Variants in ACOT7 observed in about 807,000 individuals in gnomAD.
ACOT7 encodes the protein cytosolic acyl coenzyme A thioester hydrolase.
A neutral mutation model predicts 40.2 loss-of-function variants in ACOT7; 12 were observed. The ratio of observed to expected loss-of-function variants is 0.30; its 90% confidence interval spans 0.19 to 0.48. ACOT7 has a LOEUF of 0.48. ACOT7 is among the 20% of genes least tolerant of loss of function. ACOT7 has a pLI of 0.99. For synonymous variants in ACOT7, 228 were observed against 219.5 expected (o/e 1.04, Z -0.34); for missense variants, 395 against 530.8 (o/e 0.74, Z 2.51).
At chr1:6,357,870 CTTTT>C in intron 1 of ACOT7, among the ~76,000 whole-genome samples, 2 of 143,666 alleles carry the variant, frequency 1.4e-5, no homozygotes, top group South Asian at 4.5e-4. Flanking sequence ...TGCTTCTCCT[CTTTT>C]TTTTTTTTTT....
intron 1 of ACOT7, among the ~76,000 whole-genome samples, chr1:6,379,499 C>G (rs897175658): frequency 5.9e-5 from 9 of 151,700 alleles, no homozygotes; most frequent in African/African-American, 2.2e-4. Context: ...ACTCCGTCAC[C>G]CAGGCCCCAG....
intron 3 of ACOT7, 84 bp from the exon 4 acceptor site, chr1:6,333,652 C>T (rs1194717124): frequency 2.2e-6 from 3 of 1,357,172 alleles, no homozygotes; most frequent in East Asian, 2.3e-5. Context: ...GGTGCTGCTC[C>T]AGCGCCCGGT....
At position 6,348,598 on chromosome 1, in the gene ACOT7, C is replaced by T. The variant is rs181194849; in HGVS notation, c.261+1151G>A. 4.6e-5 allele frequency among the ~76,000 whole-genome samples: 7 copies of T among 152,270 alleles called. No individual in the cohort carries two copies. The Middle Eastern group carries it at 0.01, about 222-fold the overall frequency. ...GCCTGAGAGAGCCACTCCTACCAAGCGAGGACACACAGGAAGTGATGTGAC... is the reference window on the plus strand; with the variant it reads ...GCCTGAGAGAGCCACTCCTACCAAGTGAGGACACACAGGAAGTGATGTGAC... On this transcript the variant is annotated intron_variant, in intron 2 of 8. Coordinates refer to ENST00000361521, the MANE Select transcript of ACOT7 (RefSeq NM_007274.4).
intron 2 of ACOT7, among the ~76,000 whole-genome samples, chr1:6,343,683 G>A (rs1481873274): frequency 6.6e-6 from 1 of 152,284 alleles, no homozygotes; most frequent in Non-Finnish European, 1.5e-5. Flanking sequence ...CTCTGGGCAG[G>A]GCAATGCCCA....
At position 6,336,205 on chromosome 1, in the gene ACOT7, G is replaced by A. The variant is rs1300970650; in HGVS notation, c.419-2637C>T. Reference sequence around the variant, plus strand: ...AAAAATTAGCCAGGCATGGTGACACGTGCCTGTAATCCCAGCTACTCGGGA... The same window carrying A: ...AAAAATTAGCCAGGCATGGTGACACATGCCTGTAATCCCAGCTACTCGGGA... On this transcript the variant is annotated intron_variant, in intron 3 of 8. Transcript: ENST00000361521. 5.3e-5 allele frequency among the ~76,000 whole-genome samples: 8 copies of A among 151,806 alleles called. No individual in the cohort carries two copies. In the South Asian group the frequency reaches 6.2e-4, roughly 12 times the overall value.
chr1:6,298,084 C>A (rs1639862912), intron 6 of ACOT7, among the ~76,000 whole-genome samples: 1 of 152,322 alleles, frequency 6.6e-6, no homozygotes. Context: ...TCCTTTCAAA[C>A]ACCTGGGGCA....
At chr1:6,371,061 A>G (rs1571349323) in intron 1 of ACOT7, among the ~76,000 whole-genome samples, 1 of 151,990 alleles carries the variant, frequency 6.6e-6, no homozygotes, top group East Asian at 1.9e-4. Flanking sequence ...CACTTGCCTC[A>G]GCCTCCCAAA....
At chr1:6,341,611 G>A (rs1230007276) in intron 2 of ACOT7, among the ~76,000 whole-genome samples, 1 of 152,166 alleles carries the variant, frequency 6.6e-6, no homozygotes, top group Non-Finnish European at 1.5e-5. Flanking sequence ...GTGTGGTGGT[G>A]GGTGCCTGTA....
intron 1 of ACOT7, among the ~76,000 whole-genome samples, chr1:6,369,585 T>C (rs572983048): frequency 6.7e-6 from 1 of 150,278 alleles, no homozygotes; most frequent in South Asian, 2.1e-4. Context: ...TTCTTTTTTT[T>C]CTTTTTTTTT....
intron 6 of ACOT7, among the ~76,000 whole-genome samples, chr1:6,309,273 C>A (rs939172771): frequency 1.3e-5 from 2 of 152,190 alleles, no homozygotes; most frequent in African/African-American, 4.8e-5. Context: ...GCGGAACAAG[C>A]TCTGATGGCC....
chr1:6,318,460 G>C (rs768730732), intron 6 of ACOT7, 32 bp downstream of exon 6: 47 of 1,604,832 alleles, frequency 2.9e-5, no homozygotes, highest in Non-Finnish European at 3.6e-5. Context: ...CCAAGGGACA[G>C]GAATGGAGTG....
intron 1 of ACOT7, among the ~76,000 whole-genome samples, chr1:6,351,731 A>G (rs1015016834): frequency 6.6e-6 from 1 of 152,346 alleles, no homozygotes; most frequent in East Asian, 1.9e-4. Context: ...TGCAGGCCTC[A>G]CTTTGCCTGT....
At position 6,293,185 on chromosome 1, in the gene ACOT7, A is replaced by G. The variant is rs1490753446; in HGVS notation, c.829+1679T>C. 2.0e-5 allele frequency among the ~76,000 whole-genome samples: 3 copies of G among 152,194 alleles called. No individual in the cohort carries two copies. In the East Asian group the frequency reaches 5.8e-4, roughly 29 times the overall value. On this transcript the variant is annotated intron_variant, in intron 7 of 8. Transcript: ENST00000361521. Reference sequence around the variant, plus strand: ...ATTACAGGCGTGAGCCACAGCGCTCAGCCAGAAAGTCTATTTCTTTCCTGA... The same window carrying G: ...ATTACAGGCGTGAGCCACAGCGCTCGGCCAGAAAGTCTATTTCTTTCCTGA...
At chr1:6,347,390 T>C (rs920033132) in intron 2 of ACOT7, among the ~76,000 whole-genome samples, 1 of 152,182 alleles carries the variant, frequency 6.6e-6, no homozygotes, top group Non-Finnish European at 1.5e-5. Context: ...AGACCTACCA[T>C]CTGCCTCCCC....
In ACOT7 at chr1:6,298,069, G is replaced by A. The variant is rs938908342; in HGVS notation, c.713-3089C>T. Among the ~76,000 whole-genome samples, 21 of 152,138 alleles carry A rather than the reference G, an allele frequency of 1.4e-4. 1 individual carries two copies. The highest frequency in any genetic ancestry group is 1.1e-3 in the Admixed American group (17 of 15,272). On this transcript the variant is annotated intron_variant, in intron 6 of 8. Transcript: ENST00000361521. ...CCAGGTTCACGCTCGCTGCACTTTC[G>A]CCTGTCCTTTCAAACACCTGGGGCA... is the stretch of plus-strand genomic sequence containing the variant.
chr1:6,371,237 A>C (rs1273571854), intron 1 of ACOT7, among the ~76,000 whole-genome samples: 4 of 152,250 alleles, frequency 2.6e-5, no homozygotes, highest in Non-Finnish European at 5.9e-5. Flanking sequence ...CCATTTATAG[A>C]ACACAGGCAG....
At chr1:6,366,925 G>A (rs566144663) in intron 1 of ACOT7, among the ~76,000 whole-genome samples, 23 of 151,812 alleles carry the variant, frequency 1.5e-4, no homozygotes, top group South Asian at 2.1e-4. Flanking sequence ...CAGGCCGGGC[G>A]CGGTGGCTCA....
Position 6,281,092 on chromosome 1 carries a change from G to A in ACOT7, c.1014+10C>T. 1 of 1,612,234 alleles carries A rather than the reference G, an allele frequency of 6.2e-7. No individual in the cohort carries two copies. ...AGGGAGGGGCCGCCGTTCCAAGGATGCGCACTCACCACCAGCTGGGGCACA... is the reference window on the plus strand; with the variant it reads ...AGGGAGGGGCCGCCGTTCCAAGGATACGCACTCACCACCAGCTGGGGCACA... On this transcript the variant is annotated intron_variant, in intron 8 of 8. Transcript: ENST00000361521.
chr1:6,390,133 T>A (rs1314267403), intron 1 of ACOT7, among the ~76,000 whole-genome samples: 1 of 152,280 alleles, frequency 6.6e-6, no homozygotes, highest in South Asian at 2.1e-4. Flanking sequence ...CACAGCCTTC[T>A]CTTCACAGGC....
Sources: gnomAD v4.1 joint callset for allele counts (sites outside exome capture counted in the v4.1 genomes callset) on GRCh38, gnomAD v4.1.1 for gene constraint, MANE v1.5 for transcripts, NCBI Gene and HGNC (gene_info 2026-07-23, HGNC 2026-07-21) for gene names.